ROR1: variants seen among roughly 807,000 people sequenced by gnomAD.
ROR1 encodes ROR family WNT receptor 1.
ROR1 carries 19 observed loss-of-function variants against 78.8 expected under a neutral mutation model. That is an observed-to-expected ratio of 0.24 (90% confidence interval 0.17 to 0.35). The LOEUF is 0.35. Ranked by LOEUF, ROR1 falls within the 10% of genes least tolerant of loss-of-function variation. ROR1 has a pLI of 1.00. For synonymous variants in ROR1, 386 were observed against 433.6 expected (o/e 0.89, Z 1.36); for missense variants, 917 against 1,177.8 (o/e 0.78, Z 3.24).
At chr1:63,874,605 T>G (rs1645272498) in intron 1 of ROR1, among the ~76,000 whole-genome samples, 1 of 152,090 alleles carries the variant, frequency 6.6e-6, no homozygotes, top group Non-Finnish European at 1.5e-5. Flanking sequence ...CAAAAGTTAT[T>G]AAGCTAGGGA....
intron 4 of ROR1, among the ~76,000 whole-genome samples, chr1:64,072,076 G>A (rs528591807): frequency 1.2e-4 from 18 of 152,254 alleles, no homozygotes; most frequent in Admixed American, 2.6e-4. Flanking sequence ...AATGAGCAAC[G>A]GAAAACACCA....
At chr1:63,857,892 T>C (rs1281405458) in intron 1 of ROR1, among the ~76,000 whole-genome samples, 1 of 152,162 alleles carries the variant, frequency 6.6e-6, no homozygotes, top group Non-Finnish European at 1.5e-5. Context: ...TGGCTTGAGG[T>C]TCTTGTTCTT....
intron 4 of ROR1, among the ~76,000 whole-genome samples, chr1:64,086,212 G>A (rs954288967): frequency 6.6e-6 from 1 of 152,126 alleles, no homozygotes; most frequent in Admixed American, 6.5e-5. Flanking sequence ...TAATGGAGTG[G>A]GCAAGGATGA....
intron 4 of ROR1, among the ~76,000 whole-genome samples, chr1:64,092,992 AC>A (rs1222095951): frequency 2.0e-5 from 3 of 152,144 alleles, no homozygotes; most frequent in African/African-American, 7.2e-5. Context: ...CACAGGGCCA[AC>A]TGTTTTAGTA....
At chr1:64,153,757 A>G (rs1649694852) in intron 7 of ROR1, among the ~76,000 whole-genome samples, 1 of 152,116 alleles carries the variant, frequency 6.6e-6, no homozygotes, top group South Asian at 2.1e-4. Flanking sequence ...AAGGGGGGAA[A>G]TGGGGAGTTA....
intron 1 of ROR1, among the ~76,000 whole-genome samples, chr1:63,826,512 A>C (rs190374258): frequency 2.6e-5 from 4 of 152,170 alleles, no homozygotes; most frequent in African/African-American, 7.2e-5. Flanking sequence ...ATTTGTGTTG[A>C]TTCCATGTCT....
intron 1 of ROR1, among the ~76,000 whole-genome samples, chr1:63,846,208 C>T (rs1484666728): frequency 6.7e-6 from 1 of 150,140 alleles, no homozygotes; most frequent in African/African-American, 2.4e-5. Flanking sequence ...GCTTTCACTC[C>T]TCATGGTGAG....
intron 7 of ROR1, among the ~76,000 whole-genome samples, chr1:64,156,643 G>A (rs1278094474): frequency 1.4e-5 from 2 of 146,620 alleles, no homozygotes; most frequent in East Asian, 2.0e-4. Context: ...GGAGGCGGAC[G>A]TTGCAGTGAG....
intron 7 of ROR1, among the ~76,000 whole-genome samples, chr1:64,154,200 T>A (rs1649706559): frequency 6.6e-6 from 1 of 152,226 alleles, no homozygotes; most frequent in Admixed American, 6.5e-5. Context: ...CATCATCAAG[T>A]CAAGAGAGTG....
At chr1:63,839,544 G>T (rs973959564) in intron 1 of ROR1, among the ~76,000 whole-genome samples, 2 of 151,640 alleles carry the variant, frequency 1.3e-5, no homozygotes, top group Non-Finnish European at 2.9e-5. Flanking sequence ...AATTAAAAAA[G>T]GTGCAAATAA....
chr1:64,044,902 T>C (rs74404874), intron 2 of ROR1, among the ~76,000 whole-genome samples: 1 of 152,324 alleles, frequency 6.6e-6, no homozygotes, highest in South Asian at 2.1e-4. Flanking sequence ...GGTGGTGATA[T>C]TAATGCATTT....
At chr1:64,173,208 C>T (rs543040238) in intron 8 of ROR1, among the ~76,000 whole-genome samples, 5 of 152,236 alleles carry the variant, frequency 3.3e-5, no homozygotes, top group African/African-American at 9.6e-5. Context: ...GTGGACTCTG[C>T]CATTTTAGAT....
intron 4 of ROR1, among the ~76,000 whole-genome samples, chr1:64,109,784 T>G (rs962969344): frequency 6.6e-6 from 1 of 152,142 alleles, no homozygotes; most frequent in Non-Finnish European, 1.5e-5. Flanking sequence ...CCGCTCTGCC[T>G]TCCAAAGTGC....
intron 1 of ROR1, among the ~76,000 whole-genome samples, chr1:63,920,997 C>G (rs902264253): frequency 6.6e-6 from 1 of 152,132 alleles, no homozygotes; most frequent in Non-Finnish European, 1.5e-5. Flanking sequence ...GAAGAGGGAG[C>G]AGTAGGAGAG....
At chr1:63,896,600 G>A (rs982172991) in intron 1 of ROR1, among the ~76,000 whole-genome samples, 6 of 152,304 alleles carry the variant, frequency 3.9e-5, no homozygotes, top group Admixed American at 2.0e-4. Context: ...ACAGTAAGAT[G>A]GTGATATTGG....
intron 1 of ROR1, among the ~76,000 whole-genome samples, chr1:63,830,230 T>G (rs993102718): frequency 6.6e-6 from 1 of 152,154 alleles, no homozygotes; most frequent in African/African-American, 2.4e-5. Flanking sequence ...CAGCACTGGT[T>G]GCCAAAGTAA....
chr1:64,146,391 G>A (rs959541191), intron 7 of ROR1, among the ~76,000 whole-genome samples: 9 of 152,196 alleles, frequency 5.9e-5, no homozygotes, highest in African/African-American at 9.6e-5. Context: ...CATGAGAATC[G>A]CTTGAACTTG....
intron 7 of ROR1, among the ~76,000 whole-genome samples, chr1:64,153,350 T>A (rs1649679504): frequency 6.6e-6 from 1 of 151,874 alleles, no homozygotes; most frequent in Non-Finnish European, 1.5e-5. Context: ...TGGAAGTTCC[T>A]AAAAAAAATT....
intron 4 of ROR1, among the ~76,000 whole-genome samples, chr1:64,118,881 A>G (rs1648420150): frequency 6.6e-6 from 1 of 152,126 alleles, no homozygotes; most frequent in African/African-American, 2.4e-5. Flanking sequence ...GGCTATGGAA[A>G]TTTTAAAAGA....
Sources: allele counts gnomAD v4.1 joint callset (sites outside exome capture counted in the v4.1 genomes callset), GRCh38; gene constraint gnomAD v4.1.1; transcripts MANE v1.5; gene names NCBI Gene and HGNC (gene_info 2026-07-23, HGNC 2026-07-21).